The following ADAMTS3 variants were observed in gnomAD, a reference collection of about 807,000 sequenced individuals.
The protein encoded by ADAMTS3 is A disintegrin and metalloproteinase with thrombospondin motifs 3.
ADAMTS3 carries 73 observed loss-of-function variants against 129.0 expected under a neutral mutation model. The ratio of observed to expected loss-of-function variants is 0.57; its 90% CI spans 0.47 to 0.69. ADAMTS3 has a LOEUF of 0.69. ADAMTS3 is among the 30% of genes least tolerant of loss of function. ADAMTS3 has a pLI of 0.00. For synonymous variants in ADAMTS3, 477 were observed against 510.8 expected (o/e 0.93, Z 0.89); for missense variants, 1,457 against 1,514.5 (o/e 0.96, Z 0.63).
At chr4:72,387,479 C>A (rs993379466) in intron 4 of ADAMTS3, among the ~76,000 whole-genome samples, 2 of 152,112 alleles carry the variant, frequency 1.3e-5, no homozygotes, top group Admixed American at 6.5e-5. Context: ...TAATGATATG[C>A]CAAACCAGGT....
chr4:72,330,055 G>A (rs1213578054), intron 5 of ADAMTS3, among the ~76,000 whole-genome samples: 9 of 152,068 alleles, frequency 5.9e-5, no homozygotes, highest in Non-Finnish European at 7.4e-5. Flanking sequence ...TTTCACTCTT[G>A]TTGCCCAGGC....
At chr4:72,308,087 G>T (rs991364310) in intron 15 of ADAMTS3, among the ~76,000 whole-genome samples, 8 of 151,746 alleles carry the variant, frequency 5.3e-5, no homozygotes, top group Non-Finnish European at 7.4e-5. Flanking sequence ...CAAAAGAAAA[G>T]AATAAAATGT....
chr4:72,520,573 C>T (rs532126167), intron 3 of ADAMTS3, among the ~76,000 whole-genome samples: 26 of 152,320 alleles, frequency 1.7e-4, no homozygotes, highest in South Asian at 1.7e-3. Context: ...GCCTCGCTGC[C>T]GCCTTGCAGT....
At chr4:72,430,285 C>T (rs1047363418) in intron 3 of ADAMTS3, among the ~76,000 whole-genome samples, 2 of 151,950 alleles carry the variant, frequency 1.3e-5, no homozygotes, top group African/African-American at 2.4e-5. Context: ...ACTTCTGAGC[C>T]CAGATGACAA....
In ADAMTS3 at chr4:72,312,304, A is replaced by T; in HGVS notation, c.1908T>A (p.Tyr636Ter). The T allele has an allele frequency of 6.2e-7, 1 of 1,613,642 alleles. No homozygotes were observed. Among genetic ancestry groups the T allele is most frequent in the Non-Finnish European group, 8.5e-7 (1 of 1,179,664 alleles). Residue 636 changes from tyrosine (Y) to a stop codon, truncating the protein, a stop_gained, in exon 13 of 22, where the codon TAT becomes TAA. Coordinates refer to ENST00000286657, the MANE Select transcript of ADAMTS3 (RefSeq NM_014243.3). LOFTEE classifies it high-confidence loss of function. ...YQNTKHHWLPYEHPDPKKRCH... is the reference protein window; with the variant it reads ...YQNTKHHWLP ...GAGGCTACTCACGGTCAGGATGTTC[A>T]TATGGCAACCAGTGGTGTTTGGTAT... is the stretch of plus-strand genomic sequence containing the variant.
At chr4:72,410,380 G>T (rs1024569218) in intron 4 of ADAMTS3, among the ~76,000 whole-genome samples, 5 of 152,026 alleles carry the variant, frequency 3.3e-5, no homozygotes, top group African/African-American at 1.2e-4. Context: ...ACAAGCACTC[G>T]GGTTCATGCA....
At chr4:72,429,974 T>C (rs1053051604) in intron 3 of ADAMTS3, among the ~76,000 whole-genome samples, 2 of 152,042 alleles carry the variant, frequency 1.3e-5, no homozygotes, top group South Asian at 2.1e-4. Context: ...TCCTAATAAA[T>C]GCCCAGGTAA....
At chr4:72,401,117 T>C (rs1721903159) in intron 4 of ADAMTS3, among the ~76,000 whole-genome samples, 1 of 151,832 alleles carries the variant, frequency 6.6e-6, no homozygotes, top group Non-Finnish European at 1.5e-5. Flanking sequence ...TAGCTACATA[T>C]GACCAGTGGC....
chr4:72,310,641 G>A (rs1321369907), intron 14 of ADAMTS3, among the ~76,000 whole-genome samples: 6 of 152,052 alleles, frequency 3.9e-5, no homozygotes, highest in Admixed American at 3.9e-4. Context: ...TGATTGGAAG[G>A]TGAGAAAGAA....
intron 19 of ADAMTS3, among the ~76,000 whole-genome samples, chr4:72,295,298 G>A (rs1274280457): frequency 1.3e-5 from 2 of 151,878 alleles, no homozygotes; most frequent in Non-Finnish European, 2.9e-5. Context: ...CATTTGCGGA[G>A]TGGTCATAAA....
At chr4:72,554,941 CTTG>C in intron 2 of ADAMTS3, among the ~76,000 whole-genome samples, 1 of 151,906 alleles carries the variant, frequency 6.6e-6, no homozygotes. Context: ...ACTTCATAGG[CTTG>C]TTGTAAAATT....
chr4:72,526,579 T>TGTGTGTGTGTGTG (rs914546900), intron 3 of ADAMTS3, among the ~76,000 whole-genome samples: 4 of 147,616 alleles, frequency 2.7e-5, no homozygotes, highest in African/African-American at 7.5e-5. Flanking sequence ...TATGTGTGTG[T>TGTGTGTGTGTGTG]GTGTGTGTGT....
intron 4 of ADAMTS3, among the ~76,000 whole-genome samples, chr4:72,391,076 T>C (rs1279774357): frequency 6.6e-6 from 1 of 152,108 alleles, no homozygotes; most frequent in East Asian, 1.9e-4. Context: ...TCCACATCTG[T>C]GACACTATGT....
rs750125256 is a variant in ADAMTS3 at position 72,548,687 on chromosome 4, T to G, written c.295A>C (p.Thr99Pro). ...KDFHLRLKPN[T>P]QLVAPGAVVE... ...ACAGCCCCAGGAGCTACTAGTTGAG[T>G]GTTGGGCTTTAGTCGCAGATGAAAA... Residue 99 changes from threonine to proline, a missense_variant, in exon 3 of 22, where the codon ACT becomes CCT. Transcript: ENST00000286657. 7.4e-5 allele frequency: 120 copies of G among 1,613,810 alleles called. No individual in the cohort carries two copies. Among genetic ancestry groups the G allele is most frequent in the Non-Finnish European group, 9.7e-5 (115 of 1,179,912 alleles).
intron 3 of ADAMTS3, among the ~76,000 whole-genome samples, chr4:72,486,963 T>C (rs1719606965): frequency 6.6e-6 from 1 of 152,170 alleles, no homozygotes; most frequent in Non-Finnish European, 1.5e-5. Flanking sequence ...ATGAAAACTA[T>C]GCACATCCTT....
intron 3 of ADAMTS3, among the ~76,000 whole-genome samples, chr4:72,434,114 C>T (rs945083095): frequency 6.6e-6 from 1 of 151,622 alleles, no homozygotes; most frequent in Non-Finnish European, 1.5e-5. Context: ...ACAGAGTAAA[C>T]AGATCAGTGC....
intron 4 of ADAMTS3, among the ~76,000 whole-genome samples, chr4:72,391,424 T>C (rs984905111): frequency 2.0e-5 from 3 of 152,104 alleles, no homozygotes; most frequent in Non-Finnish European, 2.9e-5. Flanking sequence ...AAGATAAAGC[T>C]TAGCAGTCCA....
chr4:72,440,929 A>G (rs145202474), intron 3 of ADAMTS3, among the ~76,000 whole-genome samples: 2 of 151,906 alleles, frequency 1.3e-5, no homozygotes, highest in African/African-American at 4.8e-5. Flanking sequence ...AATTAACATA[A>G]GATACAATGA....
chr4:72,509,848 G>A (rs543302445), intron 3 of ADAMTS3, among the ~76,000 whole-genome samples: 1 of 151,428 alleles, frequency 6.6e-6, no homozygotes, highest in South Asian at 2.1e-4. Flanking sequence ...GATGGATACT[G>A]ACACAAAAAT....
Sources: allele counts gnomAD v4.1 joint callset (sites outside exome capture counted in the v4.1 genomes callset), GRCh38; gene constraint gnomAD v4.1.1; transcripts MANE v1.5; gene names NCBI Gene and HGNC (gene_info 2026-07-23, HGNC 2026-07-21).